The following LRMDA variants were observed in gnomAD, a reference collection of about 807,000 sequenced individuals.
The protein encoded by LRMDA is leucine rich melanocyte differentiation associated, also known as leucine-rich melanocyte differentiation-associated protein.
Under a neutral mutation model 29.8 loss-of-function variants are expected in LRMDA, and 18 were observed. The ratio of observed to expected loss-of-function variants is 0.60; its 90% CI spans 0.42 to 0.90. The LOEUF is 0.90. Ranked by LOEUF, LRMDA falls within the 40% of genes least tolerant of loss-of-function variation. The probability of loss-of-function intolerance (pLI) is 0.00; values close to 1 mark genes in which losing one functional copy is unlikely to be tolerated. For synonymous variants in LRMDA, 125 were observed against 109.4 expected, an observed-to-expected ratio of 1.14 and a Z score of -0.89; for missense variants, 273 against 273.9, an observed-to-expected ratio of 1.00 and a Z score of 0.02.
At chr10:76,302,613 A>G (rs1235665939) in intron 5 of LRMDA, among the ~76,000 whole-genome samples, 1 of 152,000 alleles carries the variant, frequency 6.6e-6, no homozygotes, top group Non-Finnish European at 1.5e-5. Flanking sequence ...TTTTAGAGAA[A>G]ATGTTTGTGG....
intron 2 of LRMDA, among the ~76,000 whole-genome samples, chr10:75,577,317 A>T (rs887661417): frequency 2.0e-5 from 3 of 152,198 alleles, no homozygotes; most frequent in African/African-American, 7.2e-5. Context: ...CAATGAAATA[A>T]AGTGAGAAGA....
intron 2 of LRMDA, among the ~76,000 whole-genome samples, chr10:75,754,892 A>G (rs531964198): frequency 1.6e-4 from 25 of 152,008 alleles, no homozygotes; most frequent in Non-Finnish European, 3.4e-4. Flanking sequence ...TTGTTGCTGG[A>G]TAACTTTTCC....
intron 3 of LRMDA, among the ~76,000 whole-genome samples, chr10:76,043,139 G>T (rs1281609035): frequency 6.6e-6 from 1 of 152,052 alleles, no homozygotes; most frequent in South Asian, 2.1e-4. Flanking sequence ...AAGATTTCAG[G>T]ACATTTTAAG....
At chr10:75,807,292 A>G (rs988968001) in intron 2 of LRMDA, among the ~76,000 whole-genome samples, 11 of 152,158 alleles carry the variant, frequency 7.2e-5, no homozygotes, top group African/African-American at 2.7e-4. Context: ...TGTCAAGAGA[A>G]GTCGAGCCCT....
chr10:75,735,090 T>C (rs1014072110), intron 2 of LRMDA, among the ~76,000 whole-genome samples: 1 of 152,238 alleles, frequency 6.6e-6, no homozygotes, highest in Non-Finnish European at 1.5e-5. Flanking sequence ...TTGTCCTCCG[T>C]GTTCACTAGT....
intron 5 of LRMDA, among the ~76,000 whole-genome samples, chr10:76,219,441 C>CA (rs528448028): frequency 2.0e-5 from 3 of 150,932 alleles, no homozygotes; most frequent in East Asian, 1.9e-4. Context: ...AAATGGAAAA[C>CA]AAAAAAAAGG....
At chr10:75,786,447 C>T (rs1843473941) in intron 2 of LRMDA, among the ~76,000 whole-genome samples, 1 of 152,110 alleles carries the variant, frequency 6.6e-6, no homozygotes, top group Admixed American at 6.5e-5. Context: ...CATGACTGTC[C>T]AGTATTATCC....
intron 2 of LRMDA, among the ~76,000 whole-genome samples, chr10:75,713,213 G>T (rs1279923079): frequency 6.6e-6 from 1 of 152,052 alleles, no homozygotes; most frequent in African/African-American, 2.4e-5. Flanking sequence ...TGTTACATTA[G>T]GCAAAGAAAG....
chr10:76,194,289 G>T (rs915588588), intron 5 of LRMDA, among the ~76,000 whole-genome samples: 1 of 152,152 alleles, frequency 6.6e-6, no homozygotes, highest in Non-Finnish European at 1.5e-5. Context: ...CATCTCAATT[G>T]CATCCCATGC....
chr10:75,503,692 C>A (rs1845140943), intron 2 of LRMDA, among the ~76,000 whole-genome samples: 2 of 151,980 alleles, frequency 1.3e-5, no homozygotes, highest in African/African-American at 4.8e-5. Flanking sequence ...TCATTAAGTA[C>A]TAGTGATACT....
chr10:76,474,442 A>AC (rs1350370774), intron 6 of LRMDA, among the ~76,000 whole-genome samples: 1 of 151,588 alleles, frequency 6.6e-6, no homozygotes, highest in African/African-American at 2.4e-5. Flanking sequence ...TGAAAAGATA[A>AC]CCTCTAGAAC....
chr10:76,509,726 C>A (rs546232739), intron 6 of LRMDA, among the ~76,000 whole-genome samples: 1 of 152,334 alleles, frequency 6.6e-6, no homozygotes, highest in East Asian at 1.9e-4. Context: ...GGCTGAATTT[C>A]ATGAACTATC....
At chr10:76,462,946 C>T (rs540756214) in intron 6 of LRMDA, among the ~76,000 whole-genome samples, 1 of 152,276 alleles carries the variant, frequency 6.6e-6, no homozygotes, top group East Asian at 1.9e-4. Flanking sequence ...TCCTTCTACC[C>T]AACCGAGGCA....
chr10:76,232,308 A>G (rs886307313), intron 5 of LRMDA, among the ~76,000 whole-genome samples: 1 of 152,118 alleles, frequency 6.6e-6, no homozygotes, highest in Non-Finnish European at 1.5e-5. Context: ...GCCCTCTGAG[A>G]GTTTGATAAT....
In LRMDA at chr10:76,174,304, T is replaced by G. The variant is rs12249689; in HGVS notation, c.516+115521T>G. On this transcript the variant is annotated intron_variant, in intron 5 of 6. Coordinates refer to ENST00000611255, the MANE Select transcript of LRMDA (RefSeq NM_001305581.2). ...CCACAAAAATTTTAAAAAATTAATT[T>G]AATTAAAAAATTTTTAAAAAATTAT... Among the ~76,000 whole-genome samples, 767 of 152,050 alleles carry G rather than the reference T, an allele frequency of 5.0e-3. 7 individuals are homozygous for G. Among genetic ancestry groups the G allele is most frequent in the African/African-American group, 0.017 (701 of 41,400 alleles).
At chr10:75,719,511 A>G (rs942177686) in intron 2 of LRMDA, among the ~76,000 whole-genome samples, 14 of 152,224 alleles carry the variant, frequency 9.2e-5, no homozygotes, top group African/African-American at 2.9e-4. Flanking sequence ...ATTGTTTCTT[A>G]GTCGTAGAGT....
intron 5 of LRMDA, among the ~76,000 whole-genome samples, chr10:76,231,295 T>G (rs1365235476): frequency 1.3e-5 from 2 of 152,240 alleles, no homozygotes; most frequent in Non-Finnish European, 2.9e-5. Context: ...CCAGCAGACA[T>G]GACAATAGAT....
At chr10:76,411,385 C>A (rs1841959825) in intron 6 of LRMDA, among the ~76,000 whole-genome samples, 1 of 152,148 alleles carries the variant, frequency 6.6e-6, no homozygotes, top group South Asian at 2.1e-4. Flanking sequence ...AAGCCTAGTG[C>A]CAGTTCTGTA....
chr10:75,993,144 G>C (rs1847400789), intron 2 of LRMDA, among the ~76,000 whole-genome samples: 1 of 152,048 alleles, frequency 6.6e-6, no homozygotes, highest in South Asian at 2.1e-4. Flanking sequence ...GTCTCCTCCT[G>C]GGCTGGGTGT....
Sources: gnomAD v4.1 joint callset for allele counts (sites outside exome capture counted in the v4.1 genomes callset) on GRCh38, gnomAD v4.1.1 for gene constraint, MANE v1.5 for transcripts, NCBI Gene and HGNC (gene_info 2026-07-23, HGNC 2026-07-21) for gene names.